Variants in TRAF6 observed in about 807,000 individuals in gnomAD.
TRAF6 encodes TNF receptor-associated factor 6.
Under a neutral mutation model 48.4 loss-of-function variants are expected in TRAF6, and 10 were observed. The ratio of observed to expected loss-of-function variants is 0.21; its 90% CI spans 0.13 to 0.35. The LOEUF (loss-of-function observed/expected upper bound fraction) is 0.35. TRAF6 is among the 10% of genes least tolerant of loss of function. The pLI is 1.00. For missense variants in TRAF6, 397 were observed against 661.0 expected (o/e 0.60, Z 4.38); for synonymous variants, 186 against 219.6 (o/e 0.85, Z 1.35).
At chr11:36,507,112 T>C (rs1859796828) in intron 1 of TRAF6, among the ~76,000 whole-genome samples, 1 of 148,818 alleles carries the variant, frequency 6.7e-6, no homozygotes, top group African/African-American at 2.5e-5. Context: ...TATATATGTA[T>C]ATATACATGT....
chr11:36,492,701 A>T, intron 5 of TRAF6, 73 bp from the exon 6 acceptor site: 1 of 1,171,794 alleles, frequency 8.5e-7, no homozygotes, highest in East Asian at 2.3e-5. Flanking sequence ...ATCACATTTA[A>T]ACTGTATTGT....
rs187533004 is a variant in TRAF6, at chr11:36,484,627, G to A, written c.*5211C>T. On this transcript the variant is annotated 3_prime_UTR_variant, in exon 7 of 7. Coordinates refer to ENST00000526995, the MANE Select transcript of TRAF6 (RefSeq NM_004620.4). The stretch of plus-strand genomic sequence containing the variant: ...TTCTACTTTACAAGGAAAAGGACAC[G>A]AAGACAAAACTGATTGACCCATGGT... Among the ~76,000 whole-genome samples, 74 of 75,328 alleles carry A rather than the reference G, an allele frequency of 9.8e-4. No individual in the cohort carries two copies. The highest frequency in any genetic ancestry group is 2.1e-3 in the African/African-American group (67 of 32,228). 49.4% of individuals were successfully genotyped at this position (75,328 alleles called of 152,430 possible).
chr11:36,497,212 G>C lies in TRAF6; in HGVS notation c.502C>G (p.Pro168Ala). 1 of 1,613,938 alleles carries C rather than the reference G, an allele frequency of 6.2e-7. No individual in the cohort carries two copies. Among genetic ancestry groups the C allele is most frequent in the Non-Finnish European group, 8.5e-7 (1 of 1,179,952 alleles). Residue 168 changes from proline to alanine, a missense_variant, in exon 4 of 7, where the codon CCC becomes GCC. This residue lies in a region of TRAF6 where 245 missense variants were observed against 349.1 expected (regional missense o/e 0.70). Coordinates refer to ENST00000526995, the MANE Select transcript of TRAF6 (RefSeq NM_004620.4). ...ALMDCPQCQR[P>A]FQKFHINIHI... is the part of the protein sequence containing the mutation. ...ATATTAATATGGAATTTTTGGAAGG[G>C]ACGCTGGCATTGGGGACAATCCATA... is the stretch of plus-strand genomic sequence containing the variant.
rs1249361694 is a variant in TRAF6, at chr11:36,489,920, C to T, written c.1487G>A (p.Arg496His). Residue 496 changes from arginine (R) to histidine (H), a missense_variant, in exon 7 of 7, where the codon CGC becomes CAC. By Grantham distance (29) the Arg-to-His change is conservative (BLOSUM62 0). Coordinates refer to ENST00000526995, the MANE Select transcript of TRAF6 (RefSeq NM_004620.4). The part of the protein sequence containing the change: ...TFIKDDTLLV[R>H]CEVSTRFDMG... ...GTCAAAGCGGGTGGAGACCTCACAG[C>T]GCACTAATAATGTGTCATCCTTAAT... The T allele has an allele frequency of 6.2e-7, 1 of 1,614,172 alleles. No homozygotes were observed. The highest frequency in any genetic ancestry group is 8.5e-7 in the Non-Finnish European group (1 of 1,180,034).
intron 4 of TRAF6, among the ~76,000 whole-genome samples, chr11:36,495,614 C>A (rs950020509): frequency 1.3e-5 from 2 of 152,044 alleles, no homozygotes; most frequent in African/African-American, 4.8e-5. Context: ...AGTTGTCGGG[C>A]CGGGCGTGGT....
At chr11:36,500,056 G>A (rs569074192) in intron 2 of TRAF6, among the ~76,000 whole-genome samples, 1 of 152,312 alleles carries the variant, frequency 6.6e-6, no homozygotes, top group Non-Finnish European at 1.5e-5. Flanking sequence ...TATGGGTCAG[G>A]CACTATTTCC....
intron 1 of TRAF6, among the ~76,000 whole-genome samples, chr11:36,509,390 A>C (rs989762335): frequency 2.0e-5 from 3 of 151,534 alleles, no homozygotes; most frequent in African/African-American, 7.3e-5. Flanking sequence ...TACCGAGTTT[A>C]GGGGCGGGGG....
rs998647138 is a variant in TRAF6 at position 36,501,360 on chromosome 11, C to A, written c.156G>T (p.Glu52Asp). The A allele has an allele frequency of 6.2e-6, 10 of 1,614,012 alleles. No homozygotes were observed. Among genetic ancestry groups the A allele is most frequent in the Non-Finnish European group, 8.5e-6 (10 of 1,180,038 alleles). ...TGNLSSSFME[E>D]IQGYDVEFDP... ...CAAACTCTACATCATATCCCTGGAT[C>A]TCCTCCATAAATGAGCTGGAGAGGT... is the stretch of plus-strand genomic sequence containing the variant. The change falls in exon 2 of 7, where the codon GAG becomes GAT. Residue 52 changes from glutamate to aspartate, a missense_variant. Physicochemically the swap from Glu to Asp is conservative, Grantham distance 45 (BLOSUM62 2). Coordinates refer to ENST00000526995, the MANE Select transcript of TRAF6 (RefSeq NM_004620.4).
At position 36,508,809 on chromosome 11, in the gene TRAF6, C is replaced by T. The variant is rs997255023; in HGVS notation, c.-23+1239G>A. Among the ~76,000 whole-genome samples, 11 of 152,322 alleles carry T rather than the reference C, an allele frequency of 7.2e-5. No homozygotes were observed. The East Asian group carries it at 1.2e-3, about 16-fold the overall frequency. Reference sequence around the variant, plus strand: ...TTTGAATCCAAATTCAAGGGGCATTCCCCTTCCTGGGCACTATTTACTCTG... The same window carrying T: ...TTTGAATCCAAATTCAAGGGGCATTTCCCTTCCTGGGCACTATTTACTCTG... On this transcript the variant is annotated intron_variant, in intron 1 of 6. Transcript: ENST00000526995.
In TRAF6 at chr11:36,490,218, A is replaced by G; in HGVS notation, c.1189T>C (p.Leu397=). The G allele has an allele frequency of 2.5e-6, 4 of 1,614,190 alleles. No homozygotes were observed. In the South Asian group the frequency reaches 4.4e-5, roughly 18 times the overall value. ...YKLCMRLHLQ[L]PTAQRCANYI... ...TTTGCACAGCGCTGAGCAGTCGGTA[A>G]CTGAAGGTGCAAGCGCATGCACAGT... The change falls in exon 7 of 7, where the codon TTA becomes CTA. Residue 397 remains leucine (L), a synonymous_variant. Coordinates refer to ENST00000526995, the MANE Select transcript of TRAF6 (RefSeq NM_004620.4). The surrounding 1 kb of genome is among the most constrained non-coding windows in gnomAD (Gnocchi z 6.4).
At chr11:36,505,973 C>G (rs568531324) in intron 1 of TRAF6, among the ~76,000 whole-genome samples, 2 of 152,130 alleles carry the variant, frequency 1.3e-5, no homozygotes, top group African/African-American at 4.8e-5. Context: ...ATAGTAACAT[C>G]AAAGATCGCT....
Position 36,486,779 on chromosome 11 carries a change from A to G in TRAF6, c.*3059T>C, listed in dbSNP as rs2133660697. On this transcript the variant is annotated 3_prime_UTR_variant, in exon 7 of 7. Transcript: ENST00000526995. ...GCCAACAGCAAAATGTATGACGTGC[A>G]GCAAGTTTCATCCAACAGTGGGTTG... Among the ~76,000 whole-genome samples, 1 of 152,308 alleles carries G rather than the reference A, an allele frequency of 6.6e-6. No homozygotes were observed. Among genetic ancestry groups the G allele is most frequent in the South Asian group, 2.1e-4 (1 of 4,834 alleles).
chr11:36,504,370 C>CACAG (rs5030427), intron 1 of TRAF6, among the ~76,000 whole-genome samples: 16,336 of 152,172 alleles, frequency 0.11, 1,064 homozygotes, highest in South Asian at 0.15. Flanking sequence ...CAACAATGTT[C>CACAG]ACAGCATCCT....
Position 36,489,465 on chromosome 11 carries a change from G to C in TRAF6, c.*373C>G. The C allele has an allele frequency of 5.0e-6, 1 of 199,640 alleles. No individual in the cohort carries two copies. The allele number at this position is 199,640 out of a possible 1,614,324, so 12.4% of individuals were successfully genotyped here. A position where few individuals can be genotyped will look rare whatever the true frequency, so the allele number is the denominator to read the frequency against. On this transcript the variant is annotated 3_prime_UTR_variant, in exon 7 of 7. Coordinates refer to ENST00000526995, the MANE Select transcript of TRAF6 (RefSeq NM_004620.4). ...CATATAATACTACAAAAAGACTGAA[G>C]TTTTAAGGAAAATCCATTATTATTA...
chr11:36,503,341 C>A (rs1247580622), intron 1 of TRAF6, among the ~76,000 whole-genome samples: 1 of 149,274 alleles, frequency 6.7e-6, no homozygotes, highest in African/African-American at 2.5e-5. Flanking sequence ...GTCGCTCAGG[C>A]TGGAGTGCAA....
intron 3 of TRAF6, 57 bp from the exon 4 acceptor site, chr11:36,497,323 A>T (rs1859653826): frequency 3.3e-6 from 5 of 1,504,398 alleles, no homozygotes; most frequent in Non-Finnish European, 3.6e-6. Flanking sequence ...TTCTACATAT[A>T]AGCTCTCCTA....
At position 36,486,328 on chromosome 11, in the gene TRAF6, C is replaced by T. The variant is rs946909127; in HGVS notation, c.*3510G>A. ...TGCTGGGATTATAGGCGTGAGCCAC[C>T]GTGCCCAGCCTAATAGTATTTTATA... On this transcript the variant is annotated 3_prime_UTR_variant, in exon 7 of 7. Transcript: ENST00000526995. Among the ~76,000 whole-genome samples, 2 of 152,126 alleles carry T rather than the reference C, an allele frequency of 1.3e-5. No homozygotes were observed. The highest frequency in any genetic ancestry group is 2.9e-5 in the Non-Finnish European group (2 of 68,036).
At chr11:36,491,137 G>A (rs1554936756) in intron 6 of TRAF6, among the ~76,000 whole-genome samples, 4 of 128,536 alleles carry the variant, frequency 3.1e-5, no homozygotes, top group Non-Finnish European at 6.4e-5. Flanking sequence ...TCTCTCTCTA[G>A]TTAATATTAA....
At position 36,486,631 on chromosome 11, in the gene TRAF6, T is replaced by A. The variant is rs1277163938; in HGVS notation, c.*3207A>T. 6.6e-6 allele frequency among the ~76,000 whole-genome samples: 1 copy of A among 152,164 alleles called. No homozygotes were observed. The highest frequency in any genetic ancestry group is 1.5e-5 in the Non-Finnish European group (1 of 68,028). On this transcript the variant is annotated 3_prime_UTR_variant, in exon 7 of 7. Coordinates refer to ENST00000526995, the MANE Select transcript of TRAF6 (RefSeq NM_004620.4). The stretch of plus-strand genomic sequence containing the variant: ...AACACCTGCCTTCATTCTGTTTCAC[T>A]TTTTTCTACTATTTATCCCCAAAAT...
Sources: allele counts gnomAD v4.1 joint callset (sites outside exome capture counted in the v4.1 genomes callset), GRCh38; gene constraint gnomAD v4.1.1; regional missense constraint gnomAD v4.1.1; non-coding constraint Gnocchi (gnomAD v3.1); transcripts MANE v1.5; gene names NCBI Gene and HGNC (gene_info 2026-07-23, HGNC 2026-07-21).